Variants in PTPN21 observed in about 807,000 individuals in gnomAD.
PTPN21 encodes the protein protein tyrosine phosphatase non-receptor type 21.
PTPN21 carries 77 observed loss-of-function variants against 131.8 expected under a neutral mutation model. That is an observed-to-expected ratio of 0.58 (90% CI 0.49 to 0.71). The LOEUF (loss-of-function observed/expected upper bound fraction) is 0.71, where lower values mean the gene tolerates loss of function less well. Ranked by LOEUF, PTPN21 falls within the 30% of genes least tolerant of loss-of-function variation. PTPN21 has a pLI of 0.00. For missense variants in PTPN21, 1,552 were observed against 1,527.1 expected (o/e 1.02, Z -0.27); for synonymous variants, 715 against 621.3 (o/e 1.15, Z -2.24).
chr14:88,512,835 T>C (rs2078206641), intron 3 of PTPN21, among the ~76,000 whole-genome samples: 1 of 152,190 alleles, frequency 6.6e-6, no homozygotes, highest in Non-Finnish European at 1.5e-5. Flanking sequence ...ATTTTAGTCA[T>C]TTTCATCAGT....
At chr14:88,547,582 G>A in intron 2 of PTPN21, 1 of 445,448 alleles carries the variant, frequency 2.2e-6, no homozygotes, top group Non-Finnish European at 4.5e-6. Flanking sequence ...GAGCCTAGGT[G>A]TTTGAGGATG....
intron 10 of PTPN21, chr14:88,492,752 CA>C (rs2077843874): frequency 5.4e-6 from 1 of 186,322 alleles, no homozygotes; most frequent in Admixed American, 5.8e-5. Flanking sequence ...CCCCATGCCT[CA>C]TTTACAATCT....
rs1468835726 is a variant in PTPN21 at position 88,470,067 on chromosome 14, T to C, written c.2872-17A>G. On this transcript the variant is annotated splice_polypyrimidine_tract_variant and intron_variant, in intron 15 of 18. Transcript: ENST00000556564. ...GACAGAGACCTGGGATTAGAAAAGG[T>C]TAAAAAAATTGATGTGTGGGTATAA... 6.2e-7 allele frequency: 1 copy of C among 1,608,830 alleles called. No homozygotes were observed. The highest frequency in any genetic ancestry group is 8.5e-7 in the Non-Finnish European group (1 of 1,175,546).
In PTPN21 at chr14:88,479,194, C is replaced by T. The variant is rs757348390; in HGVS notation, c.2237G>A (p.Cys746Tyr). The T allele has an allele frequency of 6.4e-7, 1 of 1,572,518 alleles. No homozygotes were observed. Among genetic ancestry groups the T allele is most frequent in the Admixed American group, 1.9e-5 (1 of 53,388 alleles). The change falls in exon 13 of 19, where the codon TGC becomes TAC. Residue 746 changes from cysteine (C) to tyrosine (Y), a missense_variant. Around this residue, in one of 4 missense-constraint regions of PTPN21, gnomAD observed 1,016 missense variants for 883.5 expected, o/e 1.15. Transcript: ENST00000556564. ...GGGCCCGGCGAGCAGGACGCGAGGG[C>T]AGCCAGGTGGGTCCTGGGCCAGGCC... is the stretch of plus-strand genomic sequence containing the variant. The part of the protein sequence containing the change: ...RPGLAQDPPG[C>Y]PRVLLAGPLH...
In PTPN21 at chr14:88,507,918, T is replaced by C. The variant is rs2078117764; in HGVS notation, c.448+5A>G. ...ACCATTTCATTATGAATTGATCTTA[T>C]TTACCTTGAACAGCTAAGCCTGCTA... On this transcript the variant is annotated splice_donor_5th_base_variant and intron_variant, in intron 4 of 18. Transcript: ENST00000556564. The C allele has an allele frequency of 6.4e-7, 1 of 1,553,678 alleles. No homozygotes were observed. The highest frequency in any genetic ancestry group is 1.2e-5 in the South Asian group (1 of 86,148).
chr14:88,466,618 C>T lies in PTPN21; in HGVS notation c.*1519G>A, dbSNP rs2077367665. 1 of 152,188 alleles carries T rather than the reference C, an allele frequency of 6.6e-6. No individual in the cohort carries two copies. Among genetic ancestry groups the T allele is most frequent in the Non-Finnish European group, 1.5e-5 (1 of 68,046 alleles). The allele number at this position is 152,188 out of a possible 1,614,324, so 9.4% of individuals were successfully genotyped here. On this transcript the variant is annotated 3_prime_UTR_variant, in exon 19 of 19. Coordinates refer to ENST00000556564, the MANE Select transcript of PTPN21 (RefSeq NM_007039.4). Reference sequence around the variant, plus strand: ...TCCTCAGCTAAATATCCCACTCATCCATGCCTACTCAGCGGTCACTGTGAC... The same window carrying T: ...TCCTCAGCTAAATATCCCACTCATCTATGCCTACTCAGCGGTCACTGTGAC...
chr14:88,474,131 C>CCAAAAAAAAAA (rs1555382614), intron 13 of PTPN21, among the ~76,000 whole-genome samples: 1 of 46,686 alleles, frequency 2.1e-5, no homozygotes, highest in African/African-American at 7.9e-5. Flanking sequence ...AGCTGAAGTC[C>CCAAAAAAAAAA]AAAAAAAAAA....
chr14:88,487,645 CTGT>C (rs1314977494), intron 10 of PTPN21, among the ~76,000 whole-genome samples: 4 of 151,924 alleles, frequency 2.6e-5, no homozygotes. Flanking sequence ...AGTATTCAGG[CTGT>C]TAATGAAAAA....
At position 88,517,244 on chromosome 14, in the gene PTPN21, G is replaced by C. The variant is rs1410175987; in HGVS notation, c.198C>G (p.Leu66=). The change falls in exon 3 of 19, where the codon CTC becomes CTG. Residue 66 remains leucine, a synonymous_variant. Coordinates refer to ENST00000556564, the MANE Select transcript of PTPN21 (RefSeq NM_007039.4). ...GCTGATTTTGCTTGTTGTAGTACCA[G>C]AGGCTGAAGTAAGTGACCTGGAAAG... ...LELREVTYFS[L]WYYNKQNQRR... 1 of 1,613,932 alleles carries C rather than the reference G, an allele frequency of 6.2e-7. No individual in the cohort carries two copies. The highest frequency in any genetic ancestry group is 8.5e-7 in the Non-Finnish European group (1 of 1,179,962).
At chr14:88,501,976 A>C (rs1483086245) in intron 6 of PTPN21, among the ~76,000 whole-genome samples, 1 of 151,964 alleles carries the variant, frequency 6.6e-6, no homozygotes, top group African/African-American at 2.4e-5. Context: ...CAAAAAAACA[A>C]AAAAAAACAA....
chr14:88,529,954 C>T (rs2078531455), intron 2 of PTPN21, among the ~76,000 whole-genome samples: 1 of 150,886 alleles, frequency 6.6e-6, no homozygotes, highest in African/African-American at 2.4e-5. Context: ...GCACTTCAGT[C>T]TGGGCGACAG....
chr14:88,480,448 C>T (rs2077637068), intron 12 of PTPN21, 96 bp from the exon 13 acceptor site: 1 of 992,836 alleles, frequency 1.0e-6, no homozygotes, highest in Non-Finnish European at 1.5e-6. Flanking sequence ...ACATTTTTAA[C>T]ACAGCTTGTA....
At chr14:88,527,444 TG>T (rs2078495859) in intron 2 of PTPN21, among the ~76,000 whole-genome samples, 4 of 152,224 alleles carry the variant, frequency 2.6e-5, no homozygotes, top group Non-Finnish European at 4.4e-5. Flanking sequence ...CTGGGCCATT[TG>T]TATATCTTCT....
chr14:88,473,606 G>T, intron 14 of PTPN21, 59 bp downstream of exon 14: 1 of 1,549,270 alleles, frequency 6.5e-7, no homozygotes, highest in South Asian at 1.2e-5. Context: ...GAAGGCATTT[G>T]CGTAGTATTT....
intron 6 of PTPN21, among the ~76,000 whole-genome samples, chr14:88,503,428 A>G (rs2078043034): frequency 6.6e-6 from 1 of 152,230 alleles, no homozygotes; most frequent in Non-Finnish European, 1.5e-5. Flanking sequence ...ATTTAATGAT[A>G]GAGTACAGAC....
At position 88,505,300 on chromosome 14, in the gene PTPN21, T is replaced by C. The variant is rs1312326763; in HGVS notation, c.516+4A>G. The C allele has an allele frequency of 6.3e-7, 1 of 1,595,420 alleles. No individual in the cohort carries two copies. The highest frequency in any genetic ancestry group is 8.6e-7 in the Non-Finnish European group (1 of 1,164,526). Reference sequence around the variant, plus strand: ...AAAAGGCCCAGTGTCAAAAGAAGTCTTACCACAGGAAACAAGGCAAATTTC... The same window carrying C: ...AAAAGGCCCAGTGTCAAAAGAAGTCCTACCACAGGAAACAAGGCAAATTTC... On this transcript the variant is annotated splice_donor_region_variant and intron_variant, in intron 5 of 18. Transcript: ENST00000556564.
At chr14:88,512,469 T>C (rs2078200352) in intron 3 of PTPN21, 2 of 152,254 alleles carry the variant, frequency 1.3e-5, no homozygotes, top group Non-Finnish European at 2.9e-5. Context: ...TTTATTTTCA[T>C]GTTATTAACA....
chr14:88,469,960 G>A lies in PTPN21; in HGVS notation c.2962C>T (p.Gln988Ter), dbSNP rs747027317. 16 of 1,613,894 alleles carry A rather than the reference G, an allele frequency of 9.9e-6. No individual in the cohort carries two copies. Among genetic ancestry groups the A allele is most frequent in the Non-Finnish European group, 1.3e-5 (15 of 1,179,992 alleles). Residue 988 changes from glutamine to a stop codon, truncating the protein, a stop_gained, in exon 16 of 19, where the codon CAG becomes TAG. Transcript: ENST00000556564. LOFTEE classifies it high-confidence loss of function. This position sits in a 1 kb window ranked among gnomAD's most constrained non-coding sequence, Gnocchi z 4.3. ...ACCATTGCTATAATTGCAATTCCCT[G>A]TTCCCATACCATCTGCCAAAAATCT... ...CQDFWQMVWE[Q>*]GIAIIAMVTA...
Position 88,466,530 on chromosome 14 carries a change from G to C in PTPN21, c.*1607C>G, listed in dbSNP as rs975165927. 3.9e-5 allele frequency: 6 copies of C among 152,176 alleles called. No homozygotes were observed. Among genetic ancestry groups the C allele is most frequent in the African/African-American group, 1.4e-4 (6 of 41,438 alleles). 9.4% of individuals were successfully genotyped at this position (152,176 alleles called of 1,614,324 possible). ...TAGTGTAATTTGGGAAACAGCCCTA[G>C]ATTTGACATTTTGGAAGTTCACTGT... On this transcript the variant is annotated 3_prime_UTR_variant, in exon 19 of 19. Coordinates refer to ENST00000556564, the MANE Select transcript of PTPN21 (RefSeq NM_007039.4).
Sources: allele counts gnomAD v4.1 joint callset (sites outside exome capture counted in the v4.1 genomes callset), GRCh38; gene constraint gnomAD v4.1.1; regional missense constraint gnomAD v4.1.1; non-coding constraint Gnocchi (gnomAD v3.1); transcripts MANE v1.5; gene names NCBI Gene and HGNC (gene_info 2026-07-23, HGNC 2026-07-21).